POC1A: variants seen among roughly 807,000 people sequenced by gnomAD.
POC1A encodes POC1 centriolar protein homolog A.
POC1A carries 34 observed loss-of-function variants against 47.8 expected under a neutral mutation model. The ratio of observed to expected loss-of-function variants is 0.71; its 90% CI spans 0.54 to 0.95. The LOEUF (loss-of-function observed/expected upper bound fraction) is 0.95. POC1A is among the 40% of genes least tolerant of loss of function. The pLI is 0.00. For missense variants in POC1A, 466 were observed against 528.3 expected, an observed-to-expected ratio of 0.88 and a Z score of 1.16; for synonymous variants, 177 against 207.6, an observed-to-expected ratio of 0.85 and a Z score of 1.27.
At chr3:52,124,209 C>T (rs1703906993) in intron 8 of POC1A, among the ~76,000 whole-genome samples, 2 of 152,242 alleles carry the variant, frequency 1.3e-5, no homozygotes, top group African/African-American at 4.8e-5. Context: ...AACAGCCACC[C>T]TTTCCTCCTT....
Position 52,145,966 on chromosome 3 carries a change from A to G in POC1A, c.564-5T>C, listed in dbSNP as rs1275532756. On this transcript the variant is annotated splice_region_variant and splice_polypyrimidine_tract_variant and intron_variant, in intron 5 of 10. Transcript: ENST00000296484. ...AAGTCCACATAGGTGACAAAGCTGG[A>G]AAGACAGGGGCCACTATGCACTATA... 6.3e-7 allele frequency: 1 copy of G among 1,578,728 alleles called. No individual in the cohort carries two copies.
At position 52,138,321 on chromosome 3, in the gene POC1A, T is replaced by C; in HGVS notation, c.680-19A>G. 6.2e-7 allele frequency: 1 copy of C among 1,603,588 alleles called. No individual in the cohort carries two copies. Among genetic ancestry groups the C allele is most frequent in the Non-Finnish European group, 8.5e-7 (1 of 1,174,830 alleles). On this transcript the variant is annotated intron_variant, in intron 6 of 10. Coordinates refer to ENST00000296484, the MANE Select transcript of POC1A (RefSeq NM_015426.5). The stretch of plus-strand genomic sequence containing the variant: ...CTGTGCACTGGGGGAAGGACATCAG[T>C]CAGGTGCTGGCTAGGAGGCACAGGG...
rs1184513660 is a variant in POC1A at position 52,079,273 on chromosome 3, C to T, written c.1126-3288G>A. Among the ~76,000 whole-genome samples the T allele has an allele frequency of 6.6e-6, 1 of 152,246 alleles. No individual in the cohort carries two copies. The highest frequency in any genetic ancestry group is 1.5e-5 in the Non-Finnish European group (1 of 68,036). On this transcript the variant is annotated intron_variant, in intron 10 of 10. Transcript: ENST00000296484. This position sits in a 1 kb window ranked among gnomAD's most constrained non-coding sequence, Gnocchi z 4.6. ...GGCCACTGCCATTTCCACCTGCTGC[C>T]TAGTGGCCCAACTCCCAGCGGGGCC...
At chr3:52,151,879 G>C (rs913081204) in intron 1 of POC1A, among the ~76,000 whole-genome samples, 6 of 150,172 alleles carry the variant, frequency 4.0e-5, no homozygotes, top group African/African-American at 4.9e-5. Flanking sequence ...ACATGAAAAT[G>C]CAAGACACCC....
intron 1 of POC1A, among the ~76,000 whole-genome samples, chr3:52,153,228 A>G (rs1433195804): frequency 6.6e-6 from 1 of 152,112 alleles, no homozygotes; most frequent in African/African-American, 2.4e-5. Context: ...CTCTCCATCC[A>G]ATAGCAGCTT....
rs1702226714 is a variant in POC1A, at chr3:52,079,789, A to G, written c.1126-3804T>C. Among the ~76,000 whole-genome samples the G allele has an allele frequency of 6.6e-6, 1 of 152,154 alleles. No individual in the cohort carries two copies. The highest frequency in any genetic ancestry group is 1.5e-5 in the Non-Finnish European group (1 of 68,018). On this transcript the variant is annotated intron_variant, in intron 10 of 10. Transcript: ENST00000296484. The surrounding 1 kb of genome is among the most constrained non-coding windows in gnomAD (Gnocchi z 4.6). The stretch of plus-strand genomic sequence containing the variant: ...AGCCTGGGCAAAGTGGCCAGGAAAG[A>G]TGGCCCATCTCCCAGAACTCCCTCT...
chr3:52,148,405 A>G (rs1339299337), intron 4 of POC1A, among the ~76,000 whole-genome samples: 2 of 152,212 alleles, frequency 1.3e-5, no homozygotes, highest in African/African-American at 4.8e-5. Context: ...ATAGTCCCCA[A>G]CTTCTGACTC....
rs757612033 is a variant in POC1A at position 52,149,849 on chromosome 3, C to A, written c.242G>T (p.Arg81Leu). 2 of 1,613,844 alleles carry A rather than the reference C, an allele frequency of 1.2e-6. No homozygotes were observed. The highest frequency in any genetic ancestry group is 3.3e-5 in the Admixed American group (2 of 60,010). Residue 81 changes from arginine (R) to leucine (L), a missense_variant, in exon 3 of 11, where the codon CGA (arginine) becomes CTA (leucine). Physicochemically the swap from Arg to Leu is moderately radical, Grantham distance 102. Transcript: ENST00000296484. ...PSGHLLASGSRDKTVRIWVPN... is the reference protein window; with the variant it reads ...PSGHLLASGSLDKTVRIWVPN... The stretch of plus-strand genomic sequence containing the variant: ...TACCCAGATGCGGACAGTCTTGTCT[C>A]GGGAGCCGGAAGCAAGCAGGTGTCC...
chr3:52,106,703 C>T (rs1703196992), intron 9 of POC1A, among the ~76,000 whole-genome samples: 1 of 152,184 alleles, frequency 6.6e-6, no homozygotes, highest in African/African-American at 2.4e-5. Flanking sequence ...TGCCTGTCAT[C>T]CTATTTCACC....
rs546675108 is a variant in POC1A, at chr3:52,095,816, A to G, written c.1125+753T>C. Among the ~76,000 whole-genome samples, 15 of 152,372 alleles carry G rather than the reference A, an allele frequency of 9.8e-5. No individual in the cohort carries two copies. The South Asian group carries it at 2.7e-3, about 27-fold the overall frequency. The stretch of plus-strand genomic sequence containing the variant: ...AGGACCTCTCTTCCTCCCTCGGGTG[A>G]AATGGCCCTGCCAAGCATGCCCCTA... On this transcript the variant is annotated intron_variant, in intron 10 of 10. Transcript: ENST00000296484.
At chr3:52,108,832 T>C (rs1440374285) in intron 9 of POC1A, among the ~76,000 whole-genome samples, 4 of 152,218 alleles carry the variant, frequency 2.6e-5, no homozygotes, top group Non-Finnish European at 4.4e-5. Context: ...ACAGCTGTTA[T>C]GAACCAAGGT....
At chr3:52,092,049 T>G (rs1423723508) in intron 10 of POC1A, among the ~76,000 whole-genome samples, 1 of 152,042 alleles carries the variant, frequency 6.6e-6, no homozygotes, top group Admixed American at 6.5e-5. Flanking sequence ...CTGGTGGGGA[T>G]GTGTAAAGCT....
chr3:52,082,187 G>T (rs574937535), intron 10 of POC1A, among the ~76,000 whole-genome samples: 2 of 152,230 alleles, frequency 1.3e-5, no homozygotes, highest in South Asian at 4.2e-4. Flanking sequence ...GGAAGGAAGA[G>T]GGGGGAGTGG....
At chr3:52,085,913 C>T (rs1279813430) in intron 10 of POC1A, among the ~76,000 whole-genome samples, 1 of 152,224 alleles carries the variant, frequency 6.6e-6, no homozygotes, top group Non-Finnish European at 1.5e-5. Flanking sequence ...ATTGCCCTGG[C>T]TGAGCTCCGG....
At position 52,091,939 on chromosome 3, in the gene POC1A, G is replaced by C. The variant is rs79185624; in HGVS notation, c.1125+4630C>G. Among the ~76,000 whole-genome samples, 411 of 152,322 alleles carry C rather than the reference G, an allele frequency of 2.7e-3. 11 individuals are homozygous for C. The East Asian group carries it at 0.059, about 22-fold the overall frequency. Reference sequence around the variant, plus strand: ...GATGTCACCTGCCCAAGGTCACCCAGGTGATGAATGGTGGAGGTGTGCCCA... The same window carrying C: ...GATGTCACCTGCCCAAGGTCACCCACGTGATGAATGGTGGAGGTGTGCCCA... On this transcript the variant is annotated intron_variant, in intron 10 of 10. Transcript: ENST00000296484.
chr3:52,115,389 C>T (rs1703526686), intron 9 of POC1A, among the ~76,000 whole-genome samples: 1 of 152,196 alleles, frequency 6.6e-6, no homozygotes, highest in Non-Finnish European at 1.5e-5. Flanking sequence ...GCTCCAAACA[C>T]CTACAACACC....
At chr3:52,130,871 T>C (rs1165552555) in intron 7 of POC1A, among the ~76,000 whole-genome samples, 1 of 152,114 alleles carries the variant, frequency 6.6e-6, no homozygotes, top group African/African-American at 2.4e-5. Context: ...GGGCCCAGCA[T>C]GGCGCAAGCA....
Position 52,146,994 on chromosome 3 carries a change from T to C in POC1A, c.557A>G (p.His186Arg), listed in dbSNP as rs2107194153. ...ACAGCATCTGGGGACTCACCCGCCA[T>C]GCTCACAATACGAGTGGACACATTC... is the stretch of plus-strand genomic sequence containing the variant. ...SRECVHSYCE[H>R]GGFVTYVDFH... Residue 186 changes from histidine to arginine, a missense_variant, in exon 5 of 11, where the codon CAT becomes CGT. His to Arg is a conservative substitution (Grantham distance 29). Coordinates refer to ENST00000296484, the MANE Select transcript of POC1A (RefSeq NM_015426.5). 3.1e-6 allele frequency: 5 copies of C among 1,613,672 alleles called. No homozygotes were observed. The highest frequency in any genetic ancestry group is 1.1e-5 in the South Asian group (1 of 91,072).
chr3:52,134,010 C>T (rs1704339213), intron 7 of POC1A, among the ~76,000 whole-genome samples: 1 of 152,244 alleles, frequency 6.6e-6, no homozygotes, highest in South Asian at 2.1e-4. Context: ...TGCGTCCAAA[C>T]CAAAGTTTCA....
Sources: gnomAD v4.1 joint callset for allele counts (sites outside exome capture counted in the v4.1 genomes callset) on GRCh38, gnomAD v4.1.1 for gene constraint, Gnocchi (gnomAD v3.1) non-coding constraint, MANE v1.5 for transcripts, NCBI Gene and HGNC (gene_info 2026-07-23, HGNC 2026-07-21) for gene names.